TRHDE: variants seen among roughly 807,000 people sequenced by gnomAD.
The protein encoded by TRHDE is thyrotropin releasing hormone degrading enzyme.
A neutral mutation model predicts 125.7 loss-of-function variants in TRHDE; 72 were observed. The ratio of observed to expected loss-of-function variants is 0.57; its 90% CI spans 0.47 to 0.70. The LOEUF is 0.70. TRHDE is among the 30% of genes least tolerant of loss of function. The pLI, the probability that TRHDE is intolerant of heterozygous loss-of-function variation, is 0.00. For synonymous variants in TRHDE, 509 were observed against 509.1 expected, an observed-to-expected ratio of 1.00 and a Z score of 0.00; for missense variants, 1,110 against 1,327.1, an observed-to-expected ratio of 0.84 and a Z score of 2.54.
At chr12:72,191,603 T>C (rs1188219337) in intron 2 of TRHDE, among the ~76,000 whole-genome samples, 2 of 152,112 alleles carry the variant, frequency 1.3e-5, no homozygotes, top group Non-Finnish European at 2.9e-5. Flanking sequence ...ATGTGGAAAT[T>C]TGAGAACGTT....
intron 2 of TRHDE, among the ~76,000 whole-genome samples, chr12:72,366,088 A>G (rs759614869): frequency 2.6e-5 from 4 of 151,972 alleles, no homozygotes; most frequent in Non-Finnish European, 4.4e-5. Context: ...TCCCCCTTAT[A>G]ATGACATTTG....
intron 1 of TRHDE, among the ~76,000 whole-genome samples, chr12:72,102,360 G>A (rs1252517771): frequency 1.3e-5 from 2 of 152,100 alleles, no homozygotes; most frequent in African/African-American, 2.4e-5. Flanking sequence ...CTCTCCACAC[G>A]TGGCAGAGGG....
chr12:72,259,020 C>T (rs1296386900), intron 2 of TRHDE, among the ~76,000 whole-genome samples: 1 of 151,976 alleles, frequency 6.6e-6, no homozygotes, highest in East Asian at 1.9e-4. Context: ...ACTTTTTCTC[C>T]CTTTGTAATT....
intron 6 of TRHDE, among the ~76,000 whole-genome samples, chr12:72,511,676 G>C (rs1391750263): frequency 1.3e-5 from 2 of 152,082 alleles, no homozygotes; most frequent in Non-Finnish European, 2.9e-5. Context: ...TGTGCATTTT[G>C]CTGATGGAGG....
At chr12:72,229,888 G>A (rs1328027275) in intron 2 of TRHDE, among the ~76,000 whole-genome samples, 1 of 152,180 alleles carries the variant, frequency 6.6e-6, no homozygotes, top group Non-Finnish European at 1.5e-5. Context: ...AAATAGGTGA[G>A]ATGCTAATAC....
intron 2 of TRHDE, among the ~76,000 whole-genome samples, chr12:72,317,926 C>T (rs544068747): frequency 2.0e-5 from 3 of 152,196 alleles, no homozygotes; most frequent in South Asian, 4.1e-4. Context: ...GGCTGAAGAA[C>T]GAGGCACAGG....
rs181434861 is a variant in TRHDE at position 72,468,593 on chromosome 12, A to T, written c.1316-1165A>T. ...GTGCTGGAACCAGGCTGCTGGGTTCAAATTTCTACCCTGCCACTTACTGAC... is the reference window on the plus strand; with the variant it reads ...GTGCTGGAACCAGGCTGCTGGGTTCTAATTTCTACCCTGCCACTTACTGAC... On this transcript the variant is annotated intron_variant, in intron 3 of 18. Coordinates refer to ENST00000261180, the MANE Select transcript of TRHDE (RefSeq NM_013381.3). 2.4e-4 allele frequency among the ~76,000 whole-genome samples: 36 copies of T among 152,352 alleles called. No individual in the cohort carries two copies. The South Asian group carries it at 4.8e-3, about 20-fold the overall frequency.
At chr12:72,411,384 C>T (rs1016626323) in intron 3 of TRHDE, among the ~76,000 whole-genome samples, 2 of 151,800 alleles carry the variant, frequency 1.3e-5, no homozygotes, top group Admixed American at 1.3e-4. Flanking sequence ...TGAGGTAATA[C>T]ACATTTTACT....
rs183334871 is a variant in TRHDE, at chr12:72,557,535, C to T, written c.1789-4630C>T. On this transcript the variant is annotated intron_variant, in intron 7 of 18. Coordinates refer to ENST00000261180, the MANE Select transcript of TRHDE (RefSeq NM_013381.3). ...GGAGTAAACCATTTATGTGGTTAAT[C>T]CTCTATCCTAGCATGCTAAAAGACT... is the stretch of plus-strand genomic sequence containing the variant. Among the ~76,000 whole-genome samples, 54 of 152,194 alleles carry T rather than the reference C, an allele frequency of 3.5e-4. No individual in the cohort carries two copies. In the East Asian group the frequency reaches 9.3e-3, roughly 26 times the overall value.
intron 3 of TRHDE, among the ~76,000 whole-genome samples, chr12:72,447,727 A>G (rs1019567463): frequency 6.6e-6 from 1 of 151,952 alleles, no homozygotes; most frequent in African/African-American, 2.4e-5. Flanking sequence ...TATTTGGAGA[A>G]TTTTCAAAAA....
chr12:72,172,124 A>G (rs1315609888), intron 2 of TRHDE, among the ~76,000 whole-genome samples: 1 of 152,214 alleles, frequency 6.6e-6, no homozygotes, highest in Non-Finnish European at 1.5e-5. Context: ...AGAAAGGCAC[A>G]AATGGAGGAA....
intron 3 of TRHDE, among the ~76,000 whole-genome samples, chr12:72,381,893 C>T (rs1381850076): frequency 6.6e-6 from 1 of 152,064 alleles, no homozygotes; most frequent in Non-Finnish European, 1.5e-5. Context: ...TGTAAGAAAT[C>T]CAGGTAGACA....
chr12:72,382,129 A>T (rs1035567440), intron 3 of TRHDE, among the ~76,000 whole-genome samples: 1 of 152,164 alleles, frequency 6.6e-6, no homozygotes, highest in African/African-American at 2.4e-5. Context: ...ATATTAAGGG[A>T]ACCAGGTGTT....
intron 1 of TRHDE, among the ~76,000 whole-genome samples, chr12:72,279,391 A>T (rs572727579): frequency 6.6e-6 from 1 of 152,198 alleles, no homozygotes; most frequent in East Asian, 1.9e-4. Context: ...CATAATCTTC[A>T]TCATCACCAT....
intron 2 of TRHDE, among the ~76,000 whole-genome samples, chr12:72,321,870 C>T (rs183162255): frequency 6.6e-6 from 1 of 151,978 alleles, no homozygotes; most frequent in East Asian, 1.9e-4. Flanking sequence ...TATATATCTA[C>T]ATACATACAC....
intron 6 of TRHDE, among the ~76,000 whole-genome samples, chr12:72,536,426 C>T (rs1433497091): frequency 6.6e-6 from 1 of 152,062 alleles, no homozygotes; most frequent in Non-Finnish European, 1.5e-5. Context: ...AAGGAAGAGG[C>T]GTCAGGTTGA....
chr12:72,284,010 A>G (rs1171848678), intron 1 of TRHDE, among the ~76,000 whole-genome samples: 2 of 152,080 alleles, frequency 1.3e-5, no homozygotes, highest in Non-Finnish European at 2.9e-5. Context: ...TACCTAATAC[A>G]GGGTGAGTAT....
intron 2 of TRHDE, among the ~76,000 whole-genome samples, chr12:72,199,244 C>T (rs1161460536): frequency 6.6e-6 from 1 of 152,032 alleles, no homozygotes; most frequent in East Asian, 1.9e-4. Flanking sequence ...TATATTATTT[C>T]ATTTAAAATC....
chr12:72,593,514 T>TTTA (rs140264819), intron 12 of TRHDE, among the ~76,000 whole-genome samples: 2,352 of 151,900 alleles, frequency 0.015, 61 homozygotes, highest in African/African-American at 0.054. Context: ...GTTTTACTCT[T>TTTA]TTATTATTAT....
Sources: allele counts gnomAD v4.1 joint callset (sites outside exome capture counted in the v4.1 genomes callset), GRCh38; gene constraint gnomAD v4.1.1; transcripts MANE v1.5; gene names NCBI Gene and HGNC (gene_info 2026-07-23, HGNC 2026-07-21).